The following ABHD2 variants were observed in gnomAD, a reference collection of about 807,000 sequenced individuals.
ABHD2 encodes monoacylglycerol lipase ABHD2.
In ABHD2, 20 loss-of-function variants were observed where a neutral mutation model predicts 48.1. That is an observed-to-expected ratio of 0.42 (90% CI 0.29 to 0.60). The LOEUF (loss-of-function observed/expected upper bound fraction) is 0.60. ABHD2 is among the 20% of genes least tolerant of loss of function. The probability of loss-of-function intolerance (pLI) is 0.24; values close to 1 mark genes in which losing one functional copy is unlikely to be tolerated. For missense variants in ABHD2, 405 were observed against 550.9 expected (o/e 0.74, Z 2.65); for synonymous variants, 209 against 214.2 (o/e 0.98, Z 0.21).
chr15:89,165,473 C>T lies in ABHD2; in HGVS notation c.538+9939C>T, dbSNP rs138858688. Among the ~76,000 whole-genome samples, 691 of 152,058 alleles carry T rather than the reference C, an allele frequency of 4.5e-3. 1 individual carries two copies. The highest frequency in any genetic ancestry group is 7.5e-3 in the Non-Finnish European group (513 of 67,988). On this transcript the variant is annotated intron_variant, in intron 5 of 10. Transcript: ENST00000352732. ...AAACTGTCTTAAATTTCTTATTGTG[C>T]CAAGCGAGGTGGCATGCACTTGTAA...
At chr15:89,095,581 A>AT (rs1056758559) in intron 1 of ABHD2, among the ~76,000 whole-genome samples, 3 of 152,160 alleles carry the variant, frequency 2.0e-5, no homozygotes, top group Admixed American at 6.5e-5. Flanking sequence ...ATTTACACAT[A>AT]AGTTCTTTGG....
chr15:89,194,435 A>T (rs1345410334), intron 10 of ABHD2, among the ~76,000 whole-genome samples: 1 of 152,132 alleles, frequency 6.6e-6, no homozygotes, highest in African/African-American at 2.4e-5. Context: ...CAGTGAGCTG[A>T]GACTCTGTCC....
the ABHD2 span, among the ~76,000 whole-genome samples, chr15:89,064,812 G>A: frequency 6.6e-6 from 1 of 151,992 alleles, no homozygotes; most frequent in African/African-American, 2.4e-5. Flanking sequence ...TCACACAGGA[G>A]AGCATATAAT....
At position 89,146,582 on chromosome 15, in the gene ABHD2, C is replaced by T. The variant is rs918297694; in HGVS notation, c.195-5095C>T. On this transcript the variant is annotated intron_variant, in intron 3 of 10. Coordinates refer to ENST00000352732, the MANE Select transcript of ABHD2 (RefSeq NM_152924.5). The surrounding 1 kb of genome is among the most constrained non-coding windows in gnomAD (Gnocchi z 4.2). ...ACAAACATTTATTAACCGCTGGCCA[C>T]GGCACAACATTGGCCACAATACCAT... is the stretch of plus-strand genomic sequence containing the variant. Among the ~76,000 whole-genome samples, 8 of 152,106 alleles carry T rather than the reference C, an allele frequency of 5.3e-5. No individual in the cohort carries two copies. The East Asian group carries it at 1.5e-3, about 29-fold the overall frequency.
At chr15:89,069,535 A>AC in the ABHD2 span, among the ~76,000 whole-genome samples, 1 of 151,908 alleles carries the variant, frequency 6.6e-6, no homozygotes, top group East Asian at 1.9e-4. Context: ...GTTTTGTGTT[A>AC]CTCATGTTCT....
At chr15:89,130,872 TA>T (rs35306107) in intron 3 of ABHD2, among the ~76,000 whole-genome samples, 2,455 of 152,322 alleles carry the variant, frequency 0.016, 62 homozygotes, top group African/African-American at 0.054. Flanking sequence ...ACCCCTGGTT[TA>T]AAGCAAGGCT....
In ABHD2 at chr15:89,175,818, C is replaced by T. The variant is rs1596146975; in HGVS notation, c.545C>T (p.Thr182Met). Reference sequence around the variant, plus strand: ...CTCACCCTTTTGCCCACAGGCTGCACGTGGGAATTTGGAGCCATGGTGAAC... The same window carrying T: ...CTCACCCTTTTGCCCACAGGCTGCATGTGGGAATTTGGAGCCATGGTGAAC... ...TSPRMFTYGC[T>M]WEFGAMVNYI... The change falls in exon 6 of 11, where the codon ACG (threonine) becomes ATG (methionine). Residue 182 changes from threonine (T) to methionine (M), a missense_variant. Coordinates refer to ENST00000352732, the MANE Select transcript of ABHD2 (RefSeq NM_152924.5). The surrounding 1 kb of genome is among the most constrained non-coding windows in gnomAD (Gnocchi z 5.7). The T allele has an allele frequency of 1.2e-6, 2 of 1,614,028 alleles. No homozygotes were observed. Among genetic ancestry groups the T allele is most frequent in the Non-Finnish European group, 1.7e-6 (2 of 1,179,960 alleles).
chr15:89,108,363 C>T (rs1281603894), intron 1 of ABHD2, among the ~76,000 whole-genome samples: 3 of 152,212 alleles, frequency 2.0e-5, no homozygotes, highest in Non-Finnish European at 4.4e-5. Context: ...CTTCACGTGG[C>T]CTCCTCCCCT....
the ABHD2 span, among the ~76,000 whole-genome samples, chr15:89,053,308 A>C: frequency 5.3e-5 from 8 of 152,130 alleles, no homozygotes; most frequent in Non-Finnish European, 1.0e-4. Flanking sequence ...GCCAGCCCAG[A>C]GACAGTAGTA....
chr15:89,071,003 A>G, the ABHD2 span, among the ~76,000 whole-genome samples: 4 of 151,818 alleles, frequency 2.6e-5, no homozygotes, highest in African/African-American at 9.7e-5. Context: ...TCTGTGGTAG[A>G]CTGCATTATT....
chr15:89,047,840 AC>A, the ABHD2 span, among the ~76,000 whole-genome samples: 1 of 145,742 alleles, frequency 6.9e-6, no homozygotes, highest in Non-Finnish European at 1.5e-5. Flanking sequence ...ATGGGTCTTG[AC>A]TCTTTATCCA....
the ABHD2 span, among the ~76,000 whole-genome samples, chr15:89,061,758 G>T: frequency 6.6e-6 from 1 of 152,064 alleles, no homozygotes; most frequent in Non-Finnish European, 1.5e-5. Context: ...TTTTTCTGTA[G>T]AAACGGGGTT....
rs1407448467 is a variant in ABHD2, at chr15:89,155,630, G to A, written c.538+96G>A. 6.9e-7 allele frequency: 1 copy of A among 1,449,670 alleles called. No individual in the cohort carries two copies. Among genetic ancestry groups the A allele is most frequent in the Non-Finnish European group, 9.3e-7 (1 of 1,073,950 alleles). The allele number at this position is 1,449,670 out of a possible 1,614,324, so 89.8% of individuals were successfully genotyped here. A position where few individuals can be genotyped will look rare whatever the true frequency, so the allele number is the denominator to read the frequency against. ...TTCTTTTTTTAAGTTTTAAACCTAT[G>A]CCCATCTGCAAGAGATGGTAGGTCA... On this transcript the variant is annotated intron_variant, in intron 5 of 10. Transcript: ENST00000352732. This position sits in a 1 kb window ranked among gnomAD's most constrained non-coding sequence, Gnocchi z 4.9.
the ABHD2 span, among the ~76,000 whole-genome samples, chr15:89,052,968 GC>G: frequency 6.7e-6 from 1 of 149,556 alleles, no homozygotes; most frequent in South Asian, 2.1e-4. Flanking sequence ...TTGGTGGGCA[GC>G]TTTTTTTTTT....
intron 3 of ABHD2, among the ~76,000 whole-genome samples, chr15:89,136,664 C>T (rs564570115): frequency 1.5e-4 from 23 of 152,354 alleles, no homozygotes; most frequent in African/African-American, 5.3e-4. Context: ...CTCCAGCCAG[C>T]GCAGCTCCTA....
intron 1 of ABHD2, among the ~76,000 whole-genome samples, chr15:89,110,330 G>A (rs2150803452): frequency 6.6e-6 from 1 of 152,148 alleles, no homozygotes; most frequent in South Asian, 2.1e-4. Flanking sequence ...CAAAGTGCTA[G>A]GATTACAGGC....
the ABHD2 span, among the ~76,000 whole-genome samples, chr15:89,055,925 G>A: frequency 1.2e-4 from 18 of 152,024 alleles, no homozygotes; most frequent in African/African-American, 3.9e-4. Context: ...GTGCAGTGGC[G>A]TGATCACGGC....
chr15:89,096,373 AATAAT>A (rs1357210768), intron 1 of ABHD2, among the ~76,000 whole-genome samples: 3 of 152,260 alleles, frequency 2.0e-5, no homozygotes, highest in Non-Finnish European at 2.9e-5. Context: ...CATTTTAAGA[AATAAT>A]ATAATAAATA....
chr15:89,115,218 C>A (rs1033285259), intron 2 of ABHD2, among the ~76,000 whole-genome samples: 4 of 152,118 alleles, frequency 2.6e-5, no homozygotes, highest in Admixed American at 6.5e-5. Flanking sequence ...ATGAGAGTTA[C>A]CATTTTCTCT....
Sources: gnomAD v4.1 joint callset for allele counts (sites outside exome capture counted in the v4.1 genomes callset) on GRCh38, gnomAD v4.1.1 for gene constraint, Gnocchi (gnomAD v3.1) non-coding constraint, MANE v1.5 for transcripts, NCBI Gene and HGNC (gene_info 2026-07-23, HGNC 2026-07-21) for gene names.